SLC22A7: variants seen among roughly 807,000 people sequenced by gnomAD.
SLC22A7 encodes the protein hOAT2.
SLC22A7 carries 48 observed loss-of-function variants against 62.2 expected under a neutral mutation model. That is an observed-to-expected ratio of 0.77 (90% CI 0.61 to 0.98). The LOEUF is 0.98. SLC22A7 is among the 50% of genes least tolerant of loss of function. SLC22A7 has a pLI of 0.00. For synonymous variants in SLC22A7, 276 were observed against 314.8 expected (o/e 0.88, Z 1.30); for missense variants, 581 against 703.8 (o/e 0.83, Z 1.97).
At chr6:43,303,555 C>A (rs1290377082) in intron 9 of SLC22A7, among the ~76,000 whole-genome samples, 1 of 152,098 alleles carries the variant, frequency 6.6e-6, no homozygotes, top group East Asian at 1.9e-4. Context: ...ATCCCATTCA[C>A]CCCTGGAAGG....
In SLC22A7 at chr6:43,299,320, G is replaced by A; in HGVS notation, c.400-70G>A. 6.2e-7 allele frequency: 1 copy of A among 1,608,892 alleles called. No homozygotes were observed. The highest frequency in any genetic ancestry group is 8.5e-7 in the Non-Finnish European group (1 of 1,177,286). ...GCCTCAGAAGGCTCCAGGGTCTGGA[G>A]AGGAGGAGCTGGTGCCTGCTGGAGA... On this transcript the variant is annotated intron_variant, in intron 2 of 10. Coordinates refer to ENST00000372585, the MANE Select transcript of SLC22A7 (RefSeq NM_153320.2). This position sits in a 1 kb window ranked among gnomAD's most constrained non-coding sequence, Gnocchi z 4.4.
At position 43,301,224 on chromosome 6, in the gene SLC22A7, G is replaced by C. The variant is rs1035136571; in HGVS notation, c.917G>C (p.Gly306Ala). 6.2e-7 allele frequency: 1 copy of C among 1,614,080 alleles called. No individual in the cohort carries two copies. The highest frequency in any genetic ancestry group is 1.3e-5 in the African/African-American group (1 of 74,930). ...RYLLHCARLN[G>A]RPVCEDSFSQ... is the part of the protein sequence containing the mutation. Reference sequence around the variant, plus strand: ...TTGCTCCACTGTGCCAGGCTCAATGGGCGGCCAGTGTGTGAGGACAGCTTC... The same window carrying C: ...TTGCTCCACTGTGCCAGGCTCAATGCGCGGCCAGTGTGTGAGGACAGCTTC... The change falls in exon 6 of 11, where the codon GGG (glycine) becomes GCG (alanine). Residue 306 changes from glycine (G) to alanine (A), a missense_variant. Coordinates refer to ENST00000372585, the MANE Select transcript of SLC22A7 (RefSeq NM_153320.2).
In SLC22A7 at chr6:43,302,585, C is replaced by T. The variant is rs967901905; in HGVS notation, c.1277-70C>T. 3.2e-5 allele frequency: 41 copies of T among 1,295,552 alleles called. No individual in the cohort carries two copies. Among genetic ancestry groups the T allele is most frequent in the Admixed American group, 1.0e-4 (5 of 50,172 alleles). 80.3% of individuals were successfully genotyped at this position (1,295,552 alleles called of 1,614,324 possible). A position where few individuals can be genotyped will look rare whatever the true frequency, so the allele number is the denominator to read the frequency against. ...TAAGTTTGGCCCACTCTGGAGACTC[C>T]GCACCCTATCCAGAACACCCCTGGC... is the stretch of plus-strand genomic sequence containing the variant. On this transcript the variant is annotated intron_variant, in intron 8 of 10. Transcript: ENST00000372585. The surrounding 1 kb of genome is among the most constrained non-coding windows in gnomAD (Gnocchi z 5.0).
Position 43,298,482 on chromosome 6 carries a change from G to A in SLC22A7, c.124G>A (p.Ala42Thr), listed in dbSNP as rs769562599. The A allele has an allele frequency of 1.2e-6, 2 of 1,613,560 alleles. No individual in the cohort carries two copies. The highest frequency in any genetic ancestry group is 2.2e-5 in the South Asian group (2 of 91,080). ...GCACTTCCTCCTGCCCATCTTCCTGGCTGCCGTGCCTGCCCACCGATGTGC... is the reference window on the plus strand; with the variant it reads ...GCACTTCCTCCTGCCCATCTTCCTGACTGCCGTGCCTGCCCACCGATGTGC... ...PLHFLLPIFL[A>T]AVPAHRCALP... Residue 42 changes from alanine (A) to threonine (T), a missense_variant, in exon 1 of 11, where the codon GCT (alanine) becomes ACT (threonine). Ala to Thr is a moderately conservative substitution (Grantham distance 58). Transcript: ENST00000372585.
chr6:43,296,657 G>T (rs1341671213), upstream of SLC22A7, among the ~76,000 whole-genome samples: 1 of 152,178 alleles, frequency 6.6e-6, no homozygotes. Flanking sequence ...ATTGTCCAAG[G>T]GACCACACTA....
Position 43,302,453 on chromosome 6 carries a change from C to T in SLC22A7, c.1276+39C>T, listed in dbSNP as rs1214692950. The T allele has an allele frequency of 3.4e-6, 5 of 1,486,448 alleles. No individual in the cohort carries two copies. The highest frequency in any genetic ancestry group is 2.6e-5 in the South Asian group (2 of 76,938). 92.1% of individuals were successfully genotyped at this position (1,486,448 alleles called of 1,614,324 possible). A position where few individuals can be genotyped will look rare whatever the true frequency, so the allele number is the denominator to read the frequency against. ...CATAGGTTCTGCCCACCCCAGAAGC[C>T]GGGCCAGGAACCCTGCCCACTCCCC... On this transcript the variant is annotated intron_variant, in intron 8 of 10. Coordinates refer to ENST00000372585, the MANE Select transcript of SLC22A7 (RefSeq NM_153320.2). The surrounding 1 kb of genome is among the most constrained non-coding windows in gnomAD (Gnocchi z 5.0).
upstream of SLC22A7, chr6:43,298,190 G>A (rs1778601216): frequency 3.3e-6 from 2 of 607,196 alleles, no homozygotes; most frequent in South Asian, 4.3e-5. Context: ...AGACCTGATG[G>A]CTGGGGAGGG....
At chr6:43,303,529 C>T (rs1778832661) in intron 9 of SLC22A7, among the ~76,000 whole-genome samples, 1 of 151,946 alleles carries the variant, frequency 6.6e-6, no homozygotes, top group Non-Finnish European at 1.5e-5. Flanking sequence ...CAAGAAGCCC[C>T]ATCCTGCCCA....
intron 6 of SLC22A7, 148 bp downstream of exon 6, chr6:43,301,406 C>T: frequency 1.6e-6 from 2 of 1,254,162 alleles, no homozygotes; most frequent in Middle Eastern, 2.4e-4. Flanking sequence ...GGATGTCCTA[C>T]CTGGCTCCAG....
In SLC22A7 at chr6:43,299,590, T is replaced by C; in HGVS notation, c.504-37T>C. 1 of 1,613,938 alleles carries C rather than the reference T, an allele frequency of 6.2e-7. No individual in the cohort carries two copies. The highest frequency in any genetic ancestry group is 8.5e-7 in the Non-Finnish European group (1 of 1,179,834). On this transcript the variant is annotated intron_variant, in intron 3 of 10. Coordinates refer to ENST00000372585, the MANE Select transcript of SLC22A7 (RefSeq NM_153320.2). This position sits in a 1 kb window ranked among gnomAD's most constrained non-coding sequence, Gnocchi z 4.4. The stretch of plus-strand genomic sequence containing the variant: ...AGTCTACCTATGCCTTAGAACCTCC[T>C]TCCACAGGGAACTGACCCTGCATGA...
chr6:43,298,750 A>G lies in SLC22A7; in HGVS notation c.392A>G (p.Glu131Gly). 2 of 1,518,378 alleles carry G rather than the reference A, an allele frequency of 1.3e-6. No individual in the cohort carries two copies. The highest frequency in any genetic ancestry group is 1.8e-6 in the Non-Finnish European group (2 of 1,134,712). The allele number at this position is 1,518,378 out of a possible 1,614,324, so 94.1% of individuals were successfully genotyped here. A position where few individuals can be genotyped will look rare whatever the true frequency, so the allele number is the denominator to read the frequency against. ...GAATTCTCCTCTACCATTGCAACTG[A>G]GGTACTTAAGCCCAGAAGTTGAGAG... is the stretch of plus-strand genomic sequence containing the variant. ...HSEFSSTIAT[E>G]SQWDLVCEQK... Residue 131 changes from glutamate (E) to glycine (G), a missense_variant and splice_region_variant, in exon 1 of 11, where the codon GAG becomes GGG. Coordinates refer to ENST00000372585, the MANE Select transcript of SLC22A7 (RefSeq NM_153320.2).
At chr6:43,300,243 G>A in intron 5 of SLC22A7, 177 bp downstream of exon 5, 1 of 668,798 alleles carries the variant, frequency 1.5e-6, no homozygotes, top group Non-Finnish European at 2.5e-6. Context: ...TCAACAGAAA[G>A]AAGATGGCAA....
intron 9 of SLC22A7, 76 bp from the exon 10 acceptor site, chr6:43,303,962 G>T: frequency 7.9e-7 from 1 of 1,267,762 alleles, no homozygotes. Flanking sequence ...GCCAGCCCTG[G>T]AGGGAAGCCC....
rs776603715 is a variant in SLC22A7, at chr6:43,298,478, C to T, written c.120C>T (p.Phe40=). 3 of 1,613,674 alleles carry T rather than the reference C, an allele frequency of 1.9e-6. No individual in the cohort carries two copies. Among genetic ancestry groups the T allele is most frequent in the Non-Finnish European group, 2.5e-6 (3 of 1,180,026 alleles). Residue 40 remains phenylalanine (F), a synonymous_variant, in exon 1 of 11, where the codon TTC becomes TTT. Transcript: ENST00000372585. The part of the protein sequence containing the change: ...LLPLHFLLPI[F]LAAVPAHRCA... ...CACTGCACTTCCTCCTGCCCATCTT[C>T]CTGGCTGCCGTGCCTGCCCACCGAT...
intron 10 of SLC22A7, 119 bp from the exon 11 acceptor site, chr6:43,304,551 TG>T (rs1778874270): frequency 1.9e-5 from 15 of 799,704 alleles, no homozygotes; most frequent in Non-Finnish European, 2.7e-5. Flanking sequence ...GTGAGTCACT[TG>T]TACAGGCGTT....
Position 43,305,056 on chromosome 6 carries a change from C to T in SLC22A7, c.*331C>T. 1 of 231,272 alleles carries T rather than the reference C, an allele frequency of 4.3e-6. No individual in the cohort carries two copies. The highest frequency in any genetic ancestry group is 8.3e-6 in the Non-Finnish European group (1 of 120,188). 14.3% of individuals were successfully genotyped at this position (231,272 alleles called of 1,614,324 possible). A position where few individuals can be genotyped will look rare whatever the true frequency, so the allele number is the denominator to read the frequency against. ...GAGTCTGCCCTGGGCTCTGATAAAA[C>T]CTTCACCATTAACTTGCTGTGTGAC... On this transcript the variant is annotated 3_prime_UTR_variant, in exon 11 of 11. Coordinates refer to ENST00000372585, the MANE Select transcript of SLC22A7 (RefSeq NM_153320.2).
At chr6:43,298,254 C>T, upstream of SLC22A7, 2 of 1,017,620 alleles carry the variant, frequency 2.0e-6, no homozygotes, top group Non-Finnish European at 1.4e-6. Flanking sequence ...GCTCTCCAGT[C>T]CATCCACTCC....
rs1778661676 is a variant in SLC22A7 at position 43,299,567 on chromosome 6, TCTAC to T, written c.504-56_504-53del. ...CCCACTAGCTGGGGTATGAGCCTAG[TCTAC>T]CTATGCCTTAGAACCTCCTTCCACA... is the stretch of plus-strand genomic sequence containing the variant. On this transcript the variant is annotated intron_variant, in intron 3 of 10. Coordinates refer to ENST00000372585, the MANE Select transcript of SLC22A7 (RefSeq NM_153320.2). This position sits in a 1 kb window ranked among gnomAD's most constrained non-coding sequence, Gnocchi z 4.4. The T allele has an allele frequency of 6.2e-7, 1 of 1,611,492 alleles. No individual in the cohort carries two copies. The highest frequency in any genetic ancestry group is 8.5e-7 in the Non-Finnish European group (1 of 1,178,094).
chr6:43,299,518 A>G lies in SLC22A7; in HGVS notation c.503+25A>G, dbSNP rs376165941. On this transcript the variant is annotated intron_variant, in intron 3 of 10. Transcript: ENST00000372585. The surrounding 1 kb of genome is among the most constrained non-coding windows in gnomAD (Gnocchi z 4.4). ...GGTGGGGTGAGGCACTGGGCCAATA[A>G]GAAACTGGCTGGGGGAACTTTCTCC... is the stretch of plus-strand genomic sequence containing the variant. The G allele has an allele frequency of 1.1e-5, 18 of 1,606,296 alleles. No individual in the cohort carries two copies. The highest frequency in any genetic ancestry group is 8.0e-5 in the African/African-American group (6 of 74,696).
Sources: gnomAD v4.1 joint callset for allele counts (sites outside exome capture counted in the v4.1 genomes callset) on GRCh38, gnomAD v4.1.1 for gene constraint, Gnocchi (gnomAD v3.1) non-coding constraint, MANE v1.5 for transcripts, NCBI Gene and HGNC (gene_info 2026-07-23, HGNC 2026-07-21) for gene names.